Variants in TRIO observed in about 807,000 individuals in gnomAD.
The protein encoded by TRIO is triple functional domain protein.
Under a neutral mutation model 351.9 loss-of-function variants are expected in TRIO, and 58 were observed. The observed-to-expected ratio is 0.16, with a 90% confidence interval of 0.13 to 0.21. TRIO has a LOEUF of 0.21. Ranked by LOEUF, TRIO falls within the 10% of genes least tolerant of loss-of-function variation. The pLI is 1.00. For missense variants in TRIO, 3,201 were observed against 4,027.8 expected, an observed-to-expected ratio of 0.79 and a Z score of 5.56; for synonymous variants, 1,758 against 1,595.7, an observed-to-expected ratio of 1.10 and a Z score of -2.42.
At chr5:14,154,234 GC>G (rs1787980536) in intron 1 of TRIO, among the ~76,000 whole-genome samples, 1 of 152,098 alleles carries the variant, frequency 6.6e-6, no homozygotes, top group African/African-American at 2.4e-5. Flanking sequence ...TACGGGAAGG[GC>G]GGGGAGAGGC....
At position 14,394,134 on chromosome 5, in the gene TRIO, T is replaced by C. The variant is rs199551032; in HGVS notation, c.4311+4T>C. The C allele has an allele frequency of 5.8e-5, 91 of 1,581,024 alleles. No homozygotes were observed. The highest frequency in any genetic ancestry group is 7.7e-5 in the Non-Finnish European group (89 of 1,152,598). ...GAAGTATCAGCTCCTTTTAAAAGTA[T>C]GTATAATGCGTCTTCAGCCTGTGAA... is the stretch of plus-strand genomic sequence containing the variant. On this transcript the variant is annotated splice_donor_region_variant and intron_variant, in intron 28 of 56. Coordinates refer to ENST00000344204, the MANE Select transcript of TRIO (RefSeq NM_007118.4).
At chr5:14,482,074 A>G (rs1307228990) in intron 45 of TRIO, among the ~76,000 whole-genome samples, 2 of 152,220 alleles carry the variant, frequency 1.3e-5, no homozygotes, top group African/African-American at 4.8e-5. Context: ...CATATCCTCA[A>G]GATGAATTCA....
chr5:14,316,412 G>C (rs934140584), intron 8 of TRIO, 101 bp from the exon 9 acceptor site: 1 of 1,154,398 alleles, frequency 8.7e-7, no homozygotes, highest in African/African-American at 1.5e-5. Flanking sequence ...ATGTACGTGT[G>C]TGCCTGTATG....
intron 30 of TRIO, 138 bp from the exon 31 acceptor site, chr5:14,400,825 C>T: frequency 1.4e-6 from 1 of 695,878 alleles, no homozygotes; most frequent in South Asian, 1.8e-5. Context: ...TTATAACTCA[C>T]ATGACAGCTG....
intron 1 of TRIO, among the ~76,000 whole-genome samples, chr5:14,240,973 T>C (rs1794092764): frequency 6.6e-6 from 1 of 152,224 alleles, no homozygotes; most frequent in Non-Finnish European, 1.5e-5. Context: ...AGAGAAGTTC[T>C]TGGGTCCCTA....
At chr5:14,468,182 C>A (rs1754413250) in intron 37 of TRIO, among the ~76,000 whole-genome samples, 1 of 152,178 alleles carries the variant, frequency 6.6e-6, no homozygotes, top group Admixed American at 6.5e-5. Context: ...AGTTTTGACT[C>A]TTACTGTGTT....
At chr5:14,429,319 G>C (rs1037757020) in intron 34 of TRIO, among the ~76,000 whole-genome samples, 1 of 152,164 alleles carries the variant, frequency 6.6e-6, no homozygotes, top group African/African-American at 2.4e-5. Context: ...AGTGTGGCTT[G>C]GCTCTTGCCT....
intron 1 of TRIO, among the ~76,000 whole-genome samples, chr5:14,270,097 GATGGATTTTGGCCTAAA>G (rs1364516265): frequency 6.6e-6 from 1 of 152,212 alleles, no homozygotes; most frequent in Non-Finnish European, 1.5e-5. Flanking sequence ...CTTTTGCTTA[GATGGATTTTGGCCTAAA>G]TTGCCTATTG....
Position 14,419,849 on chromosome 5 carries a change from C to A in TRIO, c.5031C>A (p.Ile1677=), listed in dbSNP as rs374579202. Residue 1677 remains isoleucine, a synonymous_variant, in exon 34 of 57, where the codon ATC becomes ATA. Coordinates refer to ENST00000344204, the MANE Select transcript of TRIO (RefSeq NM_007118.4). ...FTACNSNELT[I]RRGQTVEVLE... is the part of the protein sequence containing the mutation. ...CTTGCAACAGCAACGAGCTGACCAT[C>A]CGACGGGGCCAGACCGTGGAAGTTC... The A allele has an allele frequency of 6.2e-7, 1 of 1,614,234 alleles. No homozygotes were observed. Among genetic ancestry groups the A allele is most frequent in the Admixed American group, 1.7e-5 (1 of 60,028 alleles).
intron 55 of TRIO, 97 bp downstream of exon 55, chr5:14,504,690 G>T: frequency 6.9e-7 from 1 of 1,450,836 alleles, no homozygotes; most frequent in South Asian, 1.3e-5. Context: ...ATAGAAATTG[G>T]GTTTGTAGAA....
At chr5:14,437,954 G>T (rs1751727560) in intron 34 of TRIO, among the ~76,000 whole-genome samples, 1 of 152,066 alleles carries the variant, frequency 6.6e-6, no homozygotes, top group African/African-American at 2.4e-5. Context: ...TCTAGCTTTG[G>T]TCCTCAGAGA....
At chr5:14,456,186 C>T (rs1753287339) in intron 34 of TRIO, among the ~76,000 whole-genome samples, 1 of 152,256 alleles carries the variant, frequency 6.6e-6, no homozygotes, top group African/African-American at 2.4e-5. Flanking sequence ...TGAGCACACG[C>T]CCACCTGGAA....
At chr5:14,433,567 C>T (rs997887332) in intron 34 of TRIO, among the ~76,000 whole-genome samples, 1 of 152,182 alleles carries the variant, frequency 6.6e-6, no homozygotes, top group African/African-American at 2.4e-5. Flanking sequence ...GAAAGGAAAA[C>T]AGTCCAGAAT....
chr5:14,260,585 A>G (rs911353960), intron 1 of TRIO, among the ~76,000 whole-genome samples: 1 of 152,228 alleles, frequency 6.6e-6, no homozygotes, highest in Non-Finnish European at 1.5e-5. Flanking sequence ...ACTGAGTTTC[A>G]TGTTAGAATC....
In TRIO at chr5:14,397,109, G is replaced by A. The variant is rs1031338685; in HGVS notation, c.4378G>A (p.Val1460Met). The stretch of plus-strand genomic sequence containing the variant: ...AGATGGCCTGGAGGTGATGCTCAGC[G>A]TGCCGAAGCGAGCCAATGATGCCAT... ...IKDGLEVMLS[V>M]PKRANDAMHL... The change falls in exon 29 of 57, where the codon GTG becomes ATG. Residue 1460 changes from valine to methionine, a missense_variant. Coordinates refer to ENST00000344204, the MANE Select transcript of TRIO (RefSeq NM_007118.4). 5 of 1,609,370 alleles carry A rather than the reference G, an allele frequency of 3.1e-6. No homozygotes were observed. Among genetic ancestry groups the A allele is most frequent in the African/African-American group, 1.3e-5 (1 of 74,900 alleles).
intron 48 of TRIO, chr5:14,492,233 A>G: frequency 3.0e-6 from 1 of 332,756 alleles, no homozygotes; most frequent in Non-Finnish European, 5.6e-6. Flanking sequence ...GGAGTAACCT[A>G]ACGTGGCGTC....
At chr5:14,153,805 C>T (rs1427003720) in intron 1 of TRIO, among the ~76,000 whole-genome samples, 2 of 152,200 alleles carry the variant, frequency 1.3e-5, no homozygotes, top group Non-Finnish European at 2.9e-5. Context: ...CTCCTCTATA[C>T]AGCATCCCAC....
intron 48 of TRIO, chr5:14,488,663 C>T: frequency 3.8e-6 from 2 of 531,510 alleles, no homozygotes; most frequent in South Asian, 4.9e-5. Flanking sequence ...TTGCTCATCG[C>T]TTGGTTTTGC....
At position 14,359,385 on chromosome 5, in the gene TRIO, C is replaced by T. The variant is rs1443527118; in HGVS notation, c.2245C>T (p.Pro749Ser). The change falls in exon 13 of 57, where the codon CCC (proline) becomes TCC (serine). Residue 749 changes from proline (P) to serine (S), a missense_variant. Physicochemically the swap from Pro to Ser is moderately conservative, Grantham distance 74. Around this residue, in one of 19 missense-constraint regions of TRIO, gnomAD observed 363 missense variants for 553.5 expected, o/e 0.66. Transcript: ENST00000344204. ...CTCTGCCATCTCCAGTAACAAGACC[C>T]CCCACAACAGCTCCATCAACCACAT... ...RDSAISSNKT[P>S]HNSSINHIET... is the part of the protein sequence containing the mutation. 1.2e-6 allele frequency: 2 copies of T among 1,614,156 alleles called. No individual in the cohort carries two copies. The highest frequency in any genetic ancestry group is 1.7e-6 in the Non-Finnish European group (2 of 1,179,952).
Sources: allele counts gnomAD v4.1 joint callset (sites outside exome capture counted in the v4.1 genomes callset), GRCh38; gene constraint gnomAD v4.1.1; regional missense constraint gnomAD v4.1.1; transcripts MANE v1.5; gene names NCBI Gene and HGNC (gene_info 2026-07-23, HGNC 2026-07-21).